LARGE1: variants seen among roughly 807,000 people sequenced by gnomAD.
LARGE1 encodes the protein xylosyl- and glucuronyltransferase LARGE1.
A neutral mutation model predicts 87.6 loss-of-function variants in LARGE1; 43 were observed. The ratio of observed to expected loss-of-function variants is 0.49; its 90% CI spans 0.38 to 0.63. The LOEUF is 0.63. LARGE1 is among the 30% of genes least tolerant of loss of function. The pLI is 0.00. For missense variants in LARGE1, 802 were observed against 1,000.2 expected (o/e 0.80, Z 2.67); for synonymous variants, 434 against 394.6 (o/e 1.10, Z -1.18).
intron 11 of LARGE1, among the ~76,000 whole-genome samples, chr22:33,207,876 A>C (rs1924764458): frequency 6.6e-6 from 1 of 152,100 alleles, no homozygotes; most frequent in Non-Finnish European, 1.5e-5. Flanking sequence ...TTAAGAAGGG[A>C]GGGGAGAGGA....
At chr22:33,370,757 A>G (rs146719341) in intron 9 of LARGE1, among the ~76,000 whole-genome samples, 1,761 of 150,880 alleles carry the variant, frequency 0.012, 22 homozygotes, top group African/African-American at 0.035. Flanking sequence ...ATATTATATT[A>G]TAGAACATTA....
At chr22:33,183,901 T>C (rs1438691282) in intron 11 of LARGE1, among the ~76,000 whole-genome samples, 4 of 152,002 alleles carry the variant, frequency 2.6e-5, no homozygotes, top group African/African-American at 9.6e-5. Context: ...CTTCCAGTTA[T>C]AAAATGAATT....
intron 5 of LARGE1, among the ~76,000 whole-genome samples, chr22:33,566,091 CA>C (rs5845096): frequency 0.9 from 137,083 of 152,106 alleles, 62,130 homozygotes; most frequent in East Asian, 1. Context: ...TTTGACCTTA[CA>C]AATACCATGT....
chr22:33,363,865 C>T (rs964437344), intron 9 of LARGE1, among the ~76,000 whole-genome samples: 1 of 149,190 alleles, frequency 6.7e-6, no homozygotes. Flanking sequence ...GCCAGTAGTG[C>T]AGACAGCATG....
At chr22:33,369,730 G>A (rs866077200) in intron 9 of LARGE1, among the ~76,000 whole-genome samples, 1 of 151,946 alleles carries the variant, frequency 6.6e-6, no homozygotes, top group African/African-American at 2.4e-5. Context: ...CACCACACCC[G>A]GCTAATTTTT....
intron 2 of LARGE1, among the ~76,000 whole-genome samples, chr22:33,697,100 A>G (rs2082274584): frequency 6.6e-6 from 1 of 152,192 alleles, no homozygotes; most frequent in African/African-American, 2.4e-5. Context: ...GCAAAAATGA[A>G]TGCCAGGAGG....
chr22:33,210,390 C>G (rs868534558), intron 11 of LARGE1, among the ~76,000 whole-genome samples: 3 of 152,194 alleles, frequency 2.0e-5, no homozygotes, highest in Admixed American at 6.5e-5. Context: ...GGCAAGAGAA[C>G]GACACCGGCG....
chr22:33,877,442 A>T (rs2064502339), intron 1 of LARGE1, among the ~76,000 whole-genome samples: 1 of 152,180 alleles, frequency 6.6e-6, no homozygotes, highest in African/African-American at 2.4e-5. Flanking sequence ...AGGACAGATT[A>T]TCTGGGTTCA....
intron 6 of LARGE1, among the ~76,000 whole-genome samples, chr22:33,455,495 G>A (rs888452361): frequency 6.6e-6 from 1 of 152,136 alleles, no homozygotes; most frequent in African/African-American, 2.4e-5. Flanking sequence ...TATTGTGCCT[G>A]TAATCCCAGC....
intron 2 of LARGE1, among the ~76,000 whole-genome samples, chr22:33,735,874 A>C (rs1569415723): frequency 6.6e-6 from 1 of 152,192 alleles, no homozygotes. Flanking sequence ...ATTTCATATA[A>C]ATGGAATCAC....
chr22:33,488,296 G>C (rs1328138584), intron 6 of LARGE1, among the ~76,000 whole-genome samples: 1 of 152,238 alleles, frequency 6.6e-6, no homozygotes, highest in Non-Finnish European at 1.5e-5. Context: ...ATACCAAAGA[G>C]TGCAGATGTA....
chr22:33,755,400 G>T (rs1210210055), intron 2 of LARGE1, among the ~76,000 whole-genome samples: 2 of 152,138 alleles, frequency 1.3e-5, no homozygotes, highest in African/African-American at 4.8e-5. Context: ...CACCGAGCTG[G>T]TTATGAATTA....
chr22:33,918,428 C>G (rs752709498), intron 1 of LARGE1, among the ~76,000 whole-genome samples: 1 of 152,130 alleles, frequency 6.6e-6, no homozygotes, highest in African/African-American at 2.4e-5. Flanking sequence ...CCTCTCTGTT[C>G]GAGTGAGTTT....
At chr22:33,828,450 C>A (rs1474501430) in intron 1 of LARGE1, among the ~76,000 whole-genome samples, 2 of 152,246 alleles carry the variant, frequency 1.3e-5, no homozygotes, top group African/African-American at 4.8e-5. Flanking sequence ...GTGCTTAGAT[C>A]TGACAACTAG....
intron 7 of LARGE1, among the ~76,000 whole-genome samples, chr22:33,411,111 C>T (rs1166978926): frequency 6.6e-6 from 1 of 152,188 alleles, no homozygotes; most frequent in Non-Finnish European, 1.5e-5. Context: ...CCTGTTAGCT[C>T]TTGCAATGCT....
chr22:33,770,937 T>C (rs1042358011), intron 1 of LARGE1, among the ~76,000 whole-genome samples: 52 of 152,156 alleles, frequency 3.4e-4, no homozygotes, highest in African/African-American at 1.2e-3. Context: ...AAAATGCCCA[T>C]CCAAAATATC....
chr22:33,467,596 C>G (rs1344989745), intron 6 of LARGE1, among the ~76,000 whole-genome samples: 2 of 152,190 alleles, frequency 1.3e-5, no homozygotes, highest in African/African-American at 4.8e-5. Context: ...TGGAATAGAG[C>G]ATCGCCCATA....
intron 1 of LARGE1, among the ~76,000 whole-genome samples, chr22:33,910,059 C>G (rs1259234353): frequency 6.6e-6 from 1 of 152,190 alleles, no homozygotes; most frequent in Non-Finnish European, 1.5e-5. Flanking sequence ...CCGTGTTCAG[C>G]CACCACAGTG....
At chr22:33,195,957 A>G (rs1456101601) in intron 11 of LARGE1, among the ~76,000 whole-genome samples, 1 of 151,432 alleles carries the variant, frequency 6.6e-6, no homozygotes, top group Non-Finnish European at 1.5e-5. Context: ...ACGGAGTTTC[A>G]CCGTGTTAGC....
Sources: allele counts gnomAD v4.1 joint callset (sites outside exome capture counted in the v4.1 genomes callset), GRCh38; gene constraint gnomAD v4.1.1; transcripts MANE v1.5; gene names NCBI Gene and HGNC (gene_info 2026-07-23, HGNC 2026-07-21).